The following MOSPD2 variants were observed in gnomAD, a reference collection of about 807,000 sequenced individuals.
MOSPD2 encodes motile sperm domain-containing protein 2.
Under a neutral mutation model 41.7 loss-of-function variants are expected in MOSPD2, and 5 were observed. The observed-to-expected ratio is 0.12, with a 90% confidence interval of 0.06 to 0.25. The LOEUF (loss-of-function observed/expected upper bound fraction) is 0.25, where lower values mean the gene tolerates loss of function less well. Ranked by LOEUF, MOSPD2 falls within the 10% of genes least tolerant of loss-of-function variation. The pLI is 1.00. For synonymous variants in MOSPD2, 115 were observed against 126.9 expected, an observed-to-expected ratio of 0.91 and a Z score of 0.63; for missense variants, 282 against 375.2, an observed-to-expected ratio of 0.75 and a Z score of 2.05.
At chrX:14,915,878 G>GTA (rs2092599531) in intron 12 of MOSPD2, 114 bp downstream of exon 12, 1 of 674,344 alleles carries the variant, frequency 1.5e-6, no homozygotes, top group African/African-American at 2.2e-5. Flanking sequence ...AATTAGCAGA[G>GTA]TATCACGAGT....
intron 8 of MOSPD2, among the ~76,000 whole-genome samples, chrX:14,910,201 A>G (rs925570775): frequency 1.8e-5 from 2 of 110,558 alleles, no homozygotes; most frequent in African/African-American, 6.6e-5. Context: ...TAAATACAAT[A>G]CCAGAGATTG....
At chrX:14,899,885 A>G (rs1020393748) in intron 5 of MOSPD2, among the ~76,000 whole-genome samples, 1 of 110,698 alleles carries the variant, frequency 9.0e-6, no homozygotes, top group African/African-American at 3.3e-5. Flanking sequence ...TTAATGACCT[A>G]ATTTCCTGTT....
chrX:14,902,571 G>T (rs2092574944), intron 6 of MOSPD2, among the ~76,000 whole-genome samples: 1 of 112,099 alleles, frequency 8.9e-6, no homozygotes, highest in Admixed American at 9.5e-5. Context: ...ACCTGGAAAT[G>T]ATTTTAAAGT....
At chrX:14,877,003 A>G (rs1040566575) in intron 2 of MOSPD2, among the ~76,000 whole-genome samples, 1 of 111,914 alleles carries the variant, frequency 8.9e-6, no homozygotes, top group African/African-American at 3.3e-5. Context: ...GGCAGATTGA[A>G]TAGTCTGAAC....
At chrX:14,883,082 C>A (rs1310794916) in intron 2 of MOSPD2, among the ~76,000 whole-genome samples, 1 of 110,171 alleles carries the variant, frequency 9.1e-6, no homozygotes, top group Non-Finnish European at 1.9e-5. Flanking sequence ...GTAATCCCAG[C>A]AACTCGGGAG....
chrX:14,915,049 A>G lies in MOSPD2; in HGVS notation c.1089+450A>G, dbSNP rs775427944. Among the ~76,000 whole-genome samples, 4 of 111,662 alleles carry G rather than the reference A, an allele frequency of 3.6e-5. No homozygotes were observed. In the South Asian group the frequency reaches 1.1e-3, roughly 31 times the overall value. On this transcript the variant is annotated intron_variant, in intron 11 of 14. Coordinates refer to ENST00000380492, the MANE Select transcript of MOSPD2 (RefSeq NM_152581.4). Reference sequence around the variant, plus strand: ...GTGTAACAAGACTAAGTCCGTCACTACCCCGTATTGTAGGTTTTCCTGCCT... The same window carrying G: ...GTGTAACAAGACTAAGTCCGTCACTGCCCCGTATTGTAGGTTTTCCTGCCT...
rs186948760 is a variant in MOSPD2, at chrX:14,919,721, G to A, written c.1469G>A (p.Arg490His). The change falls in exon 15 of 15, where the codon CGT (arginine) becomes CAT (histidine). Residue 490 changes from arginine (R) to histidine (H), a missense_variant. By Grantham distance (29) the Arg-to-His change is conservative (BLOSUM62 0). This residue lies in a region of MOSPD2 where 94 missense variants were observed against 102.1 expected (regional missense o/e 0.92). Transcript: ENST00000380492. ...AGGAAGCTTGAAGACCAAGTTCAGC[G>A]TTGTATCTGGTTCCAGCAGCTGCTG... ...SNRKLEDQVQRCIWFQQLLLS... is the reference protein window; with the variant it reads ...SNRKLEDQVQHCIWFQQLLLS... The A allele has an allele frequency of 5.5e-5, 66 of 1,208,683 alleles. No individual in the cohort carries two copies. Among genetic ancestry groups the A allele is most frequent in the Admixed American group, 4.6e-4 (21 of 45,694 alleles).
chrX:14,891,686 G>C (rs1395165179), intron 2 of MOSPD2, among the ~76,000 whole-genome samples: 1 of 108,303 alleles, frequency 9.2e-6, no homozygotes, highest in Non-Finnish European at 1.9e-5. Context: ...TCTTGCCTCA[G>C]CCACCCTGGT....
intron 13 of MOSPD2, among the ~76,000 whole-genome samples, chrX:14,918,433 A>G (rs1272590862): frequency 8.9e-6 from 1 of 111,742 alleles, no homozygotes; most frequent in Non-Finnish European, 1.9e-5. Context: ...AATACCATAT[A>G]AACACTTTCA....
intron 4 of MOSPD2, among the ~76,000 whole-genome samples, chrX:14,896,183 A>G (rs1480060628): frequency 9.1e-6 from 1 of 110,234 alleles, no homozygotes; most frequent in African/African-American, 3.3e-5. Context: ...TGGCAGCTTT[A>G]GCTACCTCCC....
chrX:14,887,140 T>TA (rs1477620556), intron 2 of MOSPD2, among the ~76,000 whole-genome samples: 2 of 112,160 alleles, frequency 1.8e-5, no homozygotes, highest in Non-Finnish European at 3.8e-5. Context: ...TAAGATGTTT[T>TA]AAACTACTAT....
Position 14,906,221 on chromosome X carries a change from T to A in MOSPD2, c.578-2639T>A, listed in dbSNP as rs1335775846. 4.5e-5 allele frequency among the ~76,000 whole-genome samples: 5 copies of A among 112,314 alleles called. No homozygotes were observed. The Admixed American group carries it at 4.7e-4, about 11-fold the overall frequency. ...TACAGCAATCAAGACATTGGGCATG[T>A]ATGGGCATAAGGATAAACGTATAGA... On this transcript the variant is annotated intron_variant, in intron 7 of 14. Transcript: ENST00000380492.
chrX:14,876,118 T>C (rs1288913957), intron 2 of MOSPD2, among the ~76,000 whole-genome samples: 1 of 112,376 alleles, frequency 8.9e-6, no homozygotes. Context: ...CCTTCTTACC[T>C]TAAGGTTTCA....
chrX:14,895,063 T>C (rs768943445), intron 3 of MOSPD2, among the ~76,000 whole-genome samples: 42 of 112,132 alleles, frequency 3.7e-4, no homozygotes, highest in African/African-American at 9.7e-4. Context: ...TGGAAATGTA[T>C]CCACATAAAT....
At position 14,897,064 on chromosome X, in the gene MOSPD2, T is replaced by C. The variant is rs759706970; in HGVS notation, c.323-20T>C. 52 of 1,149,494 alleles carry C rather than the reference T, an allele frequency of 4.5e-5. No homozygotes were observed. The highest frequency in any genetic ancestry group is 5.8e-5 in the Non-Finnish European group (50 of 863,313). The allele number at this position is 1,149,494 out of a possible 1,213,427, so 94.7% of individuals were successfully genotyped here. ...TATAATGCCATAAGTCTTGTTCTTA[T>C]TTTTATCTTCTGCTTAAAGTCTGGA... On this transcript the variant is annotated intron_variant, in intron 4 of 14. Transcript: ENST00000380492.
rs1471628245 is a variant in MOSPD2, at chrX:14,895,514, A to G, written c.322+120A>G. 6 of 464,896 alleles carry G rather than the reference A, an allele frequency of 1.3e-5. No individual in the cohort carries two copies. In the Admixed American group the frequency reaches 1.5e-4, roughly 12 times the overall value. The allele number at this position is 464,896 out of a possible 1,213,427, so 38.3% of individuals were successfully genotyped here. A position where few individuals can be genotyped will look rare whatever the true frequency, so the allele number is the denominator to read the frequency against. ...TGTAGCACTCCTCAGGTCTTCTGCA[A>G]TGAGGGATTGGCAGGACCATTTTTA... On this transcript the variant is annotated intron_variant, in intron 4 of 14. Transcript: ENST00000380492.
intron 2 of MOSPD2, among the ~76,000 whole-genome samples, chrX:14,888,206 G>A (rs2157878): frequency 0.21 from 11,946 of 56,561 alleles, 674 homozygotes; most frequent in Middle Eastern, 0.3. Context: ...ACACACACAC[G>A]CACACACACA....
At chrX:14,885,452 CTTAAAG>C (rs1230406829) in intron 2 of MOSPD2, 1 of 112,156 alleles carries the variant, frequency 8.9e-6, no homozygotes, top group Non-Finnish European at 1.9e-5. Flanking sequence ...TTCCAGAGTA[CTTAAAG>C]TTAAGTGTAT....
intron 6 of MOSPD2, among the ~76,000 whole-genome samples, chrX:14,901,987 C>T (rs1289709569): frequency 2.7e-5 from 3 of 109,994 alleles, no homozygotes; most frequent in African/African-American, 6.6e-5. Context: ...TATATACACA[C>T]ACACATATAT....
Sources: allele counts gnomAD v4.1 joint callset (sites outside exome capture counted in the v4.1 genomes callset), GRCh38; gene constraint gnomAD v4.1.1; regional missense constraint gnomAD v4.1.1; transcripts MANE v1.5; gene names NCBI Gene and HGNC (gene_info 2026-07-23, HGNC 2026-07-21).